The following EPHA5 variants were observed in gnomAD, a reference collection of about 807,000 sequenced individuals.
EPHA5 encodes the protein EPH receptor A5.
In EPHA5, 60 loss-of-function variants were observed where a neutral mutation model predicts 105.0. The ratio of observed to expected loss-of-function variants is 0.57; its 90% CI spans 0.46 to 0.71. The LOEUF (loss-of-function observed/expected upper bound fraction) is 0.71. Ranked by LOEUF, EPHA5 falls within the 30% of genes least tolerant of loss-of-function variation. The pLI is 0.00. For missense variants in EPHA5, 1,218 were observed against 1,274.7 expected (o/e 0.96, Z 0.68); for synonymous variants, 513 against 449.1 (o/e 1.14, Z -1.80).
At chr4:65,633,095 T>C (rs1377966829) in intron 2 of EPHA5, among the ~76,000 whole-genome samples, 1 of 151,962 alleles carries the variant, frequency 6.6e-6, no homozygotes, top group African/African-American at 2.4e-5. Context: ...TCTCCATTAG[T>C]GCAAGCACTG....
At chr4:65,666,773 A>G (rs1750002387) in intron 1 of EPHA5, among the ~76,000 whole-genome samples, 1 of 152,174 alleles carries the variant, frequency 6.6e-6, no homozygotes, top group African/African-American at 2.4e-5. Context: ...CTGCTATCCA[A>G]CATATTCAAA....
intron 8 of EPHA5, among the ~76,000 whole-genome samples, chr4:65,400,693 C>T (rs1947290): frequency 0.8 from 121,623 of 152,008 alleles, 49,069 homozygotes; most frequent in South Asian, 0.92. Context: ...TAAAAGTTAA[C>T]CTTTTTTATT....
intron 1 of EPHA5, among the ~76,000 whole-genome samples, chr4:65,647,163 CT>C (rs1367382543): frequency 6.6e-6 from 1 of 151,694 alleles, no homozygotes; most frequent in Non-Finnish European, 1.5e-5. Context: ...CCCATCTCTA[CT>C]AAAAATACAA....
At chr4:65,418,025 T>C (rs1440621769) in intron 6 of EPHA5, among the ~76,000 whole-genome samples, 1 of 152,084 alleles carries the variant, frequency 6.6e-6, no homozygotes, top group Admixed American at 6.6e-5. Context: ...TAAAAGAAAA[T>C]GTAAGTACTT....
chr4:65,391,432 G>A (rs1720708310), intron 8 of EPHA5, among the ~76,000 whole-genome samples: 1 of 152,048 alleles, frequency 6.6e-6, no homozygotes, highest in South Asian at 2.1e-4. Flanking sequence ...CACAGATCTT[G>A]AACAAATGTG....
intron 13 of EPHA5, among the ~76,000 whole-genome samples, chr4:65,348,659 G>GATATATAT (rs36206921): frequency 2.0e-3 from 120 of 60,138 alleles, no homozygotes; most frequent in African/African-American, 6.9e-3. Flanking sequence ...AAACATTGGA[G>GATATATAT]ATATATATAT....
intron 3 of EPHA5, among the ~76,000 whole-genome samples, chr4:65,507,123 A>C (rs1366551128): frequency 6.6e-6 from 1 of 152,146 alleles, no homozygotes; most frequent in Non-Finnish European, 1.5e-5. Context: ...TTAAATAGGG[A>C]ATCCTTTCCC....
chr4:65,507,077 C>T (rs554238721), intron 3 of EPHA5, among the ~76,000 whole-genome samples: 3 of 152,250 alleles, frequency 2.0e-5, no homozygotes, highest in East Asian at 3.9e-4. Context: ...TTTCAGCTTT[C>T]TGCATATGGC....
At chr4:65,659,295 G>C (rs1332737583) in intron 1 of EPHA5, among the ~76,000 whole-genome samples, 2 of 115,004 alleles carry the variant, frequency 1.7e-5, no homozygotes, top group Admixed American at 1.2e-4. Flanking sequence ...CTGGGAACTG[G>C]ATTGTTTATA....
chr4:65,608,947 C>T (rs529519057), intron 2 of EPHA5, among the ~76,000 whole-genome samples: 66 of 152,062 alleles, frequency 4.3e-4, no homozygotes, highest in African/African-American at 1.4e-3. Flanking sequence ...TTTTAATGAA[C>T]GAAAGATTCA....
At chr4:65,506,791 G>C (rs963594332) in intron 3 of EPHA5, among the ~76,000 whole-genome samples, 5 of 151,380 alleles carry the variant, frequency 3.3e-5, no homozygotes, top group East Asian at 2.0e-4. Context: ...CAGATGAGTA[G>C]ATGCAAAAAT....
At chr4:65,400,086 A>G (rs1267480590) in intron 8 of EPHA5, among the ~76,000 whole-genome samples, 5 of 152,192 alleles carry the variant, frequency 3.3e-5, no homozygotes. Context: ...AGTAAAGTGA[A>G]AAACTTTCTC....
rs1273655896 is a variant in EPHA5 at position 65,640,336 on chromosome 4, A to T, written c.246+3027T>A. Among the ~76,000 whole-genome samples, 5 of 120,728 alleles carry T rather than the reference A, an allele frequency of 4.1e-5. No individual in the cohort carries two copies. The East Asian group carries it at 1.0e-3, about 25-fold the overall frequency. 79.2% of individuals were successfully genotyped at this position (120,728 alleles called of 152,430 possible). ...AGTCTCGCTCTGTCGCCCAGGCTGG[A>T]GTGCAGTGGCGCAATCTTGGCTCAC... On this transcript the variant is annotated intron_variant, in intron 2 of 16. Transcript: ENST00000613740.
At chr4:65,409,968 A>G (rs553439575) in intron 7 of EPHA5, among the ~76,000 whole-genome samples, 1 of 152,316 alleles carries the variant, frequency 6.6e-6, no homozygotes, top group South Asian at 2.1e-4. Context: ...GTGGAAACGG[A>G]AAATGATAGA....
At chr4:65,486,807 A>G (rs1206715276) in intron 5 of EPHA5, among the ~76,000 whole-genome samples, 2 of 152,240 alleles carry the variant, frequency 1.3e-5, no homozygotes, top group Non-Finnish European at 2.9e-5. Context: ...TATAACAGTG[A>G]TATGGCTTGG....
At chr4:65,573,613 G>C in intron 3 of EPHA5, 1 of 1,599,900 alleles carries the variant, frequency 6.3e-7, no homozygotes, top group Non-Finnish European at 8.5e-7. Context: ...GTCCTTGTCA[G>C]AGGAATTGGC....
intron 3 of EPHA5, among the ~76,000 whole-genome samples, chr4:65,572,622 C>T (rs1038414279): frequency 6.6e-6 from 1 of 152,194 alleles, no homozygotes; most frequent in Non-Finnish European, 1.5e-5. Flanking sequence ...ACCTATTTAT[C>T]TGCCAATAGT....
chr4:65,625,788 G>A (rs2149483112), intron 2 of EPHA5, among the ~76,000 whole-genome samples: 1 of 152,270 alleles, frequency 6.6e-6, no homozygotes, highest in South Asian at 2.1e-4. Context: ...CCAGTAAGCA[G>A]GTGCTTTTGC....
At chr4:65,606,967 C>G (rs1744288264) in intron 2 of EPHA5, among the ~76,000 whole-genome samples, 1 of 152,250 alleles carries the variant, frequency 6.6e-6, no homozygotes, top group Non-Finnish European at 1.5e-5. Flanking sequence ...ACAGGGAAAG[C>G]TGTTCTTCAC....
Sources: allele counts gnomAD v4.1 joint callset (sites outside exome capture counted in the v4.1 genomes callset), GRCh38; gene constraint gnomAD v4.1.1; transcripts MANE v1.5; gene names NCBI Gene and HGNC (gene_info 2026-07-23, HGNC 2026-07-21).